Variants in SCPEP1 observed in about 807,000 individuals in gnomAD.
The protein encoded by SCPEP1 is serine carboxypeptidase 1.
SCPEP1 carries 51 observed loss-of-function variants against 63.8 expected under a neutral mutation model. The observed-to-expected ratio is 0.80, with a 90% CI of 0.64 to 1.01. The LOEUF (loss-of-function observed/expected upper bound fraction) is 1.01, where lower values mean the gene tolerates loss of function less well. SCPEP1 is among the 50% of genes least tolerant of loss of function. The probability of loss-of-function intolerance (pLI) is 0.00; values close to 1 mark genes in which losing one functional copy is unlikely to be tolerated. For synonymous variants in SCPEP1, 204 were observed against 207.8 expected (o/e 0.98, Z 0.16); for missense variants, 499 against 554.9 (o/e 0.90, Z 1.01).
intron 8 of SCPEP1, chr17:56,995,851 C>A: frequency 3.1e-6 from 1 of 326,396 alleles, no homozygotes; most frequent in Non-Finnish European, 5.5e-6. Flanking sequence ...ACTTGCTTGT[C>A]CTTCACTAAA....
intron 9 of SCPEP1, 41 bp downstream of exon 9, chr17:56,997,096 T>A: frequency 8.3e-7 from 1 of 1,206,192 alleles, no homozygotes; most frequent in Non-Finnish European, 1.2e-6. Flanking sequence ...TGCCTCAGCC[T>A]CCATGCAAAA....
rs777062020 is a variant in SCPEP1, at chr17:56,987,651, C to G, written c.316-44C>G. 2.2e-5 allele frequency: 35 copies of G among 1,591,932 alleles called. No individual in the cohort carries two copies. In the East Asian group the frequency reaches 7.6e-4, roughly 35 times the overall value. On this transcript the variant is annotated intron_variant, in intron 3 of 12. Transcript: ENST00000262288. ...AAATGATCCAAAGATGATTGGTGAC[C>G]AAATGTCTGATTGCAACATTTCGTT...
chr17:56,981,258 G>A (rs1368413011), intron 2 of SCPEP1, 28 bp downstream of exon 2: 4 of 1,613,402 alleles, frequency 2.5e-6, no homozygotes, highest in Non-Finnish European at 3.4e-6. Context: ...CCTGGCCTGA[G>A]GTCAAAGCCA....
intron 4 of SCPEP1, 35 bp downstream of exon 4, chr17:56,987,885 C>T (rs750259226): frequency 1.2e-6 from 2 of 1,608,616 alleles, no homozygotes; most frequent in African/African-American, 1.3e-5. Context: ...AAGTAAAGGG[C>T]TGGCAATATC....
intron 10 of SCPEP1, 148 bp downstream of exon 10, chr17:56,998,646 G>A: frequency 1.6e-6 from 1 of 641,040 alleles, no homozygotes; most frequent in Non-Finnish European, 2.8e-6. Context: ...TTTTGTAGGT[G>A]AGCAAATAGA....
Position 56,983,024 on chromosome 17 carries a change from G to A in SCPEP1, c.225+1794G>A, listed in dbSNP as rs557975590. ...AATCGAAGTCATGTCTTCTGAGTGG[G>A]TTAGCAAACTATGTTAGGGACACTT... On this transcript the variant is annotated intron_variant, in intron 2 of 12. Coordinates refer to ENST00000262288, the MANE Select transcript of SCPEP1 (RefSeq NM_021626.3). 5.3e-5 allele frequency: 8 copies of A among 152,252 alleles called. No homozygotes were observed. In the South Asian group the frequency reaches 1.2e-3, roughly 24 times the overall value. The allele number at this position is 152,252 out of a possible 1,614,324, so 9.4% of individuals were successfully genotyped here.
intron 6 of SCPEP1, among the ~76,000 whole-genome samples, chr17:56,992,061 T>C (rs1280618595): frequency 6.6e-6 from 1 of 152,174 alleles, no homozygotes; most frequent in East Asian, 1.9e-4. Context: ...GAAAGGTACA[T>C]GAGGGAAATA....
At chr17:56,989,873 G>A (rs1459929750) in intron 5 of SCPEP1, among the ~76,000 whole-genome samples, 1 of 152,134 alleles carries the variant, frequency 6.6e-6, no homozygotes, top group Non-Finnish European at 1.5e-5. Flanking sequence ...CTTGAACCCA[G>A]GGAGCAGAGG....
At chr17:56,989,650 A>G (rs961444120) in intron 5 of SCPEP1, among the ~76,000 whole-genome samples, 2 of 152,226 alleles carry the variant, frequency 1.3e-5, no homozygotes, top group Non-Finnish European at 2.9e-5. Context: ...TGCAGCCAGC[A>G]TAAAGAATGG....
chr17:56,983,831 T>A (rs1749665493), intron 2 of SCPEP1: 1 of 148,842 alleles, frequency 6.7e-6, no homozygotes, highest in Admixed American at 6.7e-5. Context: ...TATCTTGTCT[T>A]TTTTTTTTTT....
chr17:56,995,683 T>C (rs1362301096), intron 8 of SCPEP1, 48 bp downstream of exon 8: 14 of 1,603,368 alleles, frequency 8.7e-6, no homozygotes, highest in Non-Finnish European at 1.2e-5. Context: ...CTTTTTCTGG[T>C]GGGTACAGGG....
chr17:56,986,584 C>T (rs1431424002), intron 3 of SCPEP1, among the ~76,000 whole-genome samples: 2 of 149,254 alleles, frequency 1.3e-5, no homozygotes, highest in Admixed American at 6.7e-5. Context: ...CTCGCTCTTT[C>T]GCCCAGGCCA....
intron 4 of SCPEP1, 63 bp from the exon 5 acceptor site, chr17:56,988,149 AAATT>A: frequency 1.5e-6 from 2 of 1,296,824 alleles, no homozygotes; most frequent in Non-Finnish European, 2.2e-6. Flanking sequence ...TAGAAATTTG[AAATT>A]AATTTGTGTG....
At chr17:56,982,272 A>G (rs1239280838) in intron 2 of SCPEP1, among the ~76,000 whole-genome samples, 1 of 152,068 alleles carries the variant, frequency 6.6e-6, no homozygotes, top group Non-Finnish European at 1.5e-5. Flanking sequence ...GCTCACCTCC[A>G]TAGGATGCTA....
At chr17:57,002,234 C>T (rs1597923628) in intron 12 of SCPEP1, 53 bp downstream of exon 12, 8 of 1,580,344 alleles carry the variant, frequency 5.1e-6, no homozygotes, top group East Asian at 2.2e-5. Flanking sequence ...AGGGAAGCCA[C>T]AGGCGGTTAT....
chr17:56,993,512 C>T (rs996126806), intron 6 of SCPEP1, among the ~76,000 whole-genome samples: 3 of 152,164 alleles, frequency 2.0e-5, no homozygotes, highest in Non-Finnish European at 4.4e-5. Context: ...GGCACGATCT[C>T]GGCTCACTGC....
chr17:57,002,111 T>C lies in SCPEP1; in HGVS notation c.1226T>C (p.Leu409Ser). Reference sequence around the variant, plus strand: ...GCCCTGTACAGTGACCCTAAATCTTTGGAAACATCTGCTTTTGTCAAGTCC... The same window carrying C: ...GCCCTGTACAGTGACCCTAAATCTTCGGAAACATCTGCTTTTGTCAAGTCC... ...WKALYSDPKS[L>S]ETSAFVKSYK... Residue 409 changes from leucine (L) to serine (S), a missense_variant, in exon 12 of 13, where the codon TTG becomes TCG. Transcript: ENST00000262288. The C allele has an allele frequency of 6.2e-7, 1 of 1,614,212 alleles. No individual in the cohort carries two copies. Among genetic ancestry groups the C allele is most frequent in the African/African-American group, 1.3e-5 (1 of 75,062 alleles).
At chr17:56,989,933 CTT>C (rs1449271285) in intron 5 of SCPEP1, among the ~76,000 whole-genome samples, 1 of 151,190 alleles carries the variant, frequency 6.6e-6, no homozygotes, top group Non-Finnish European at 1.5e-5. Context: ...GAGCGAGACT[CTT>C]TCTCAAAAAA....
At chr17:57,000,207 C>T (rs946647745) in intron 10 of SCPEP1, among the ~76,000 whole-genome samples, 1 of 151,922 alleles carries the variant, frequency 6.6e-6, no homozygotes, top group South Asian at 2.1e-4. Context: ...TTCTTATCTC[C>T]CAAGGTAATG....
Sources: gnomAD v4.1 joint callset for allele counts (sites outside exome capture counted in the v4.1 genomes callset) on GRCh38, gnomAD v4.1.1 for gene constraint, MANE v1.5 for transcripts, NCBI Gene and HGNC (gene_info 2026-07-23, HGNC 2026-07-21) for gene names.